The following DNAJC27 variants were observed in gnomAD, a reference collection of about 807,000 sequenced individuals.
DNAJC27 encodes DnaJ heat shock protein family (Hsp40) member C27.
A neutral mutation model predicts 31.4 loss-of-function variants in DNAJC27; 25 were observed. The observed-to-expected ratio is 0.80, with a 90% CI of 0.58 to 1.11. The LOEUF (loss-of-function observed/expected upper bound fraction) is 1.11, where lower values mean the gene tolerates loss of function less well. Ranked by LOEUF, DNAJC27 falls within the 50% of genes most tolerant of loss-of-function variation. The pLI, the probability that DNAJC27 is intolerant of heterozygous loss-of-function variation, is 0.00. For missense variants in DNAJC27, 356 were observed against 347.3 expected, an observed-to-expected ratio of 1.02 and a Z score of -0.20; for synonymous variants, 106 against 112.7, an observed-to-expected ratio of 0.94 and a Z score of 0.37.
intron 3 of DNAJC27, among the ~76,000 whole-genome samples, chr2:24,961,943 T>C (rs1429465335): frequency 1.3e-5 from 2 of 152,210 alleles, no homozygotes; most frequent in East Asian, 3.9e-4. Flanking sequence ...TTGACTCCAA[T>C]TTTGAATGAA....
chr2:24,967,698 T>C (rs539278120), intron 1 of DNAJC27, among the ~76,000 whole-genome samples: 3 of 138,408 alleles, frequency 2.2e-5, no homozygotes, highest in Non-Finnish European at 4.5e-5. Context: ...TGAACGCTTG[T>C]CTAAAAAAAA....
intron 1 of DNAJC27, chr2:24,968,875 A>AT (rs1666254301): frequency 4.6e-5 from 7 of 153,802 alleles, no homozygotes; most frequent in African/African-American, 7.2e-5. Flanking sequence ...GCTTAAAAAA[A>AT]ATTTTTTTTT....
At position 24,967,309 on chromosome 2, in the gene DNAJC27, A is replaced by G. The variant is rs772511308; in HGVS notation, c.88-16T>C. 9.1e-6 allele frequency: 14 copies of G among 1,545,420 alleles called. No homozygotes were observed. The highest frequency in any genetic ancestry group is 1.7e-4 in the Middle Eastern group (1 of 5,938). On this transcript the variant is annotated splice_polypyrimidine_tract_variant and intron_variant, in intron 1 of 6. Transcript: ENST00000264711. ...TAATACAGCTCTAAAAAGGTAAAAA[A>G]TACAGGCATTTAGTAAATACATAGT...
chr2:24,956,961 C>A (rs569826830), intron 5 of DNAJC27, 82 bp downstream of exon 5: 228 of 1,513,948 alleles, frequency 1.5e-4, no homozygotes, highest in Non-Finnish European at 1.4e-4. Context: ...ATTCCTATTA[C>A]TTTTTTGCTT....
intron 5 of DNAJC27, among the ~76,000 whole-genome samples, chr2:24,952,694 G>GT (rs753515653): frequency 3.9e-5 from 6 of 151,936 alleles, no homozygotes; most frequent in Non-Finnish European, 8.8e-5. Context: ...AAAAAAAGCT[G>GT]TACCAGTTTA....
At chr2:24,971,172 C>T (rs1307427605) in intron 1 of DNAJC27, among the ~76,000 whole-genome samples, 1 of 152,158 alleles carries the variant, frequency 6.6e-6, no homozygotes, top group East Asian at 1.9e-4. Flanking sequence ...TCCCTCCCCA[C>T]GTACTAAAGG....
intron 5 of DNAJC27, among the ~76,000 whole-genome samples, chr2:24,955,267 C>T (rs922092361): frequency 6.6e-6 from 1 of 152,100 alleles, no homozygotes; most frequent in Non-Finnish European, 1.5e-5. Context: ...ATACTGGGAA[C>T]CAAATGCAAA....
At chr2:24,960,683 G>C (rs1666019121) in intron 3 of DNAJC27, among the ~76,000 whole-genome samples, 2 of 152,212 alleles carry the variant, frequency 1.3e-5, no homozygotes, top group African/African-American at 2.4e-5. Flanking sequence ...TAGTGGTCTG[G>C]ATAGAAGTCC....
At chr2:24,971,606 G>T in intron 1 of DNAJC27, 1 of 482,404 alleles carries the variant, frequency 2.1e-6, no homozygotes, top group South Asian at 2.6e-5. Flanking sequence ...CACCATCTCC[G>T]GAAGAGTGAC....
chr2:24,958,081 G>GT (rs1665951644), intron 3 of DNAJC27, 107 bp from the exon 4 acceptor site: 1 of 996,634 alleles, frequency 1.0e-6, no homozygotes, highest in Non-Finnish European at 1.5e-6. Flanking sequence ...TATTCTTAGT[G>GT]TTTGCTATTG....
chr2:24,957,204 A>G (rs749767749), intron 4 of DNAJC27, 39 bp from the exon 5 acceptor site: 3 of 1,552,380 alleles, frequency 1.9e-6, no homozygotes, highest in Admixed American at 2.2e-5. Flanking sequence ...GAAGATTACA[A>G]TCTTGTCCTA....
chr2:24,957,129 C>T lies in DNAJC27; in HGVS notation c.442G>A (p.Glu148Lys). ...TTGCTTTCAGCCCAAAGACGTCCTT[C>T]ACTTTCATCTACACAGCGATGTTTG... ...CTKHRCVDES[E>K]GRLWAESKGF... is the part of the protein sequence containing the mutation. Residue 148 changes from glutamate to lysine, a missense_variant, in exon 5 of 7, where the codon GAA becomes AAA. Transcript: ENST00000264711. 1 of 1,609,730 alleles carries T rather than the reference C, an allele frequency of 6.2e-7. No homozygotes were observed.
intron 3 of DNAJC27, among the ~76,000 whole-genome samples, chr2:24,961,346 C>T (rs1403239758): frequency 6.6e-6 from 1 of 152,040 alleles, no homozygotes; most frequent in Non-Finnish European, 1.5e-5. Context: ...ACCTAATTAC[C>T]CAAGAGTTCT....
intron 3 of DNAJC27, among the ~76,000 whole-genome samples, chr2:24,958,351 A>T (rs557814987): frequency 1.3e-5 from 2 of 152,244 alleles, no homozygotes; most frequent in East Asian, 3.8e-4. Flanking sequence ...CCAAAATGAC[A>T]TAAGTGTCAG....
rs1665670686 is a variant in DNAJC27, at chr2:24,947,282, T to G, written c.*334A>C. On this transcript the variant is annotated 3_prime_UTR_variant, in exon 7 of 7. Transcript: ENST00000264711. ...AAAGTGAAAGGGTCCTCTTGTCCTC[T>G]CTTCCCTCCTCCAGGAACCTTGTGG... 5.5e-6 allele frequency: 1 copy of G among 180,910 alleles called. No homozygotes were observed. Among genetic ancestry groups the G allele is most frequent in the Admixed American group, 6.2e-5 (1 of 16,016 alleles). The allele number at this position is 180,910 out of a possible 1,614,324, so 11.2% of individuals were successfully genotyped here. A position where few individuals can be genotyped will look rare whatever the true frequency, so the allele number is the denominator to read the frequency against.
intron 3 of DNAJC27, chr2:24,963,165 A>T: frequency 2.4e-6 from 1 of 423,248 alleles, no homozygotes; most frequent in Non-Finnish European, 4.2e-6. Context: ...TCTGAAAGTC[A>T]AAATGTCTTA....
chr2:24,948,835 C>T lies in DNAJC27; in HGVS notation c.690-1087G>A, dbSNP rs571012025. ...TGTCTCTACCAGATGGTTTTATTTC[C>T]CACCTTCCTTTTCTAATTCAGGGTT... On this transcript the variant is annotated intron_variant, in intron 6 of 6. Transcript: ENST00000264711. 2.4e-4 allele frequency among the ~76,000 whole-genome samples: 37 copies of T among 152,296 alleles called. 1 individual carries two copies. Among genetic ancestry groups the T allele is most frequent in the African/African-American group, 8.4e-4 (35 of 41,562 alleles).
rs767698230 is a variant in DNAJC27 at position 24,945,526 on chromosome 2, C to T, written c.*2090G>A. 3 of 152,200 alleles carry T rather than the reference C, an allele frequency of 2.0e-5. No homozygotes were observed. Among genetic ancestry groups the T allele is most frequent in the Non-Finnish European group, 4.4e-5 (3 of 68,042 alleles). 9.4% of individuals were successfully genotyped at this position (152,200 alleles called of 1,614,324 possible). On this transcript the variant is annotated 3_prime_UTR_variant, in exon 7 of 7. Transcript: ENST00000264711. ...GAGTTGTCGTGTCAATTCGGGCTGA[C>T]GCTACCGTGCACGATCCCTCATTCA...
intron 1 of DNAJC27, 99 bp downstream of exon 1, chr2:24,971,716 AGAG>A: frequency 9.9e-7 from 1 of 1,010,848 alleles, no homozygotes; most frequent in Non-Finnish European, 1.4e-6. Flanking sequence ...TCGGGGGCGG[AGAG>A]GAGGCCGGGC....
Sources: gnomAD v4.1 joint callset for allele counts (sites outside exome capture counted in the v4.1 genomes callset) on GRCh38, gnomAD v4.1.1 for gene constraint, MANE v1.5 for transcripts, NCBI Gene and HGNC (gene_info 2026-07-23, HGNC 2026-07-21) for gene names.